The following EXOC6B variants were observed in gnomAD, a reference collection of about 807,000 sequenced individuals.
EXOC6B encodes exocyst complex component 6B.
A neutral mutation model predicts 113.5 loss-of-function variants in EXOC6B; 54 were observed. That is an observed-to-expected ratio of 0.48 (90% CI 0.38 to 0.60). The LOEUF (loss-of-function observed/expected upper bound fraction) is 0.60. Among genes scored for constraint, EXOC6B ranks in the 20% least tolerant of loss-of-function variants. The probability of loss-of-function intolerance (pLI) is 0.00; values close to 1 mark genes in which losing one functional copy is unlikely to be tolerated. For synonymous variants in EXOC6B, 357 were observed against 339.0 expected (o/e 1.05, Z -0.58); for missense variants, 797 against 977.5 (o/e 0.82, Z 2.46).
At chr2:72,559,407 G>C (rs1703756669) in intron 8 of EXOC6B, 46 bp downstream of exon 8, 2 of 1,361,534 alleles carry the variant, frequency 1.5e-6, no homozygotes, top group African/African-American at 3.0e-5. Flanking sequence ...GCAAAGTTTT[G>C]AACTCAATGG....
At chr2:72,230,047 G>T (rs1034035521) in intron 20 of EXOC6B, among the ~76,000 whole-genome samples, 1 of 151,944 alleles carries the variant, frequency 6.6e-6, no homozygotes, top group Non-Finnish European at 1.5e-5. Flanking sequence ...GGGAGGAATG[G>T]AACAGCACTA....
intron 20 of EXOC6B, among the ~76,000 whole-genome samples, chr2:72,323,099 C>CAAAGGACAAATCTGG (rs1687931125): frequency 1.3e-5 from 2 of 151,978 alleles, no homozygotes; most frequent in Non-Finnish European, 2.9e-5. Flanking sequence ...CCTGACAAAG[C>CAAAGGACAAATCTGG]ACTAATATCC....
At chr2:72,291,870 AG>A (rs1685815556) in intron 20 of EXOC6B, among the ~76,000 whole-genome samples, 1 of 152,220 alleles carries the variant, frequency 6.6e-6, no homozygotes, top group African/African-American at 2.4e-5. Flanking sequence ...TTAAAGAAAA[AG>A]TTAAAACGCT....
intron 1 of EXOC6B, among the ~76,000 whole-genome samples, chr2:72,749,426 C>T (rs1277777142): frequency 1.3e-5 from 2 of 151,998 alleles, no homozygotes; most frequent in African/African-American, 4.8e-5. Context: ...TAAAACTCTT[C>T]CAGATTCTTT....
intron 18 of EXOC6B, among the ~76,000 whole-genome samples, chr2:72,422,130 CG>C (rs1694916583): frequency 6.6e-6 from 1 of 152,324 alleles, no homozygotes; most frequent in Admixed American, 6.5e-5. Context: ...GGGCCCCGTG[CG>C]GCCCGAGCCT....
At chr2:72,458,615 C>G (rs1211340453) in intron 18 of EXOC6B, among the ~76,000 whole-genome samples, 1 of 152,072 alleles carries the variant, frequency 6.6e-6, no homozygotes, top group Non-Finnish European at 1.5e-5. Flanking sequence ...AGAATCAACT[C>G]TATCCACACT....
intron 6 of EXOC6B, among the ~76,000 whole-genome samples, chr2:72,636,100 G>A (rs529029404): frequency 1.3e-5 from 2 of 152,194 alleles, no homozygotes; most frequent in South Asian, 4.2e-4. Context: ...TCATGCATCT[G>A]CAGTTCCAGC....
chr2:72,568,226 T>C (rs1704303728), intron 7 of EXOC6B, among the ~76,000 whole-genome samples: 1 of 151,878 alleles, frequency 6.6e-6, no homozygotes, highest in Non-Finnish European at 1.5e-5. Context: ...TAAGGGAGAC[T>C]AAACAGACAT....
intron 18 of EXOC6B, among the ~76,000 whole-genome samples, chr2:72,453,565 A>G (rs536628470): frequency 2.0e-5 from 3 of 152,278 alleles, no homozygotes; most frequent in East Asian, 1.9e-4. Flanking sequence ...TTCATTTAAC[A>G]TAAGTGCTTT....
chr2:72,471,609 C>G (rs1490971710), intron 17 of EXOC6B, among the ~76,000 whole-genome samples: 1 of 151,876 alleles, frequency 6.6e-6, no homozygotes, highest in Non-Finnish European at 1.5e-5. Context: ...CTAGATGGAG[C>G]CTTTTAGTTT....
chr2:72,269,716 A>G (rs1464718519), intron 20 of EXOC6B, among the ~76,000 whole-genome samples: 1 of 152,144 alleles, frequency 6.6e-6, no homozygotes, highest in Non-Finnish European at 1.5e-5. Flanking sequence ...TGTCACTTTG[A>G]CTAAGCTGCT....
intron 20 of EXOC6B, among the ~76,000 whole-genome samples, chr2:72,274,181 G>T (rs1684675773): frequency 6.6e-6 from 1 of 152,114 alleles, no homozygotes; most frequent in African/African-American, 2.4e-5. Context: ...ATTGAAATCA[G>T]AGAAATAAAA....
chr2:72,488,183 ATTC>A (rs1699536386), intron 16 of EXOC6B, among the ~76,000 whole-genome samples: 1 of 151,874 alleles, frequency 6.6e-6, no homozygotes, highest in African/African-American at 2.4e-5. Context: ...TCACTCTCTC[ATTC>A]TTTATATAAT....
intron 18 of EXOC6B, among the ~76,000 whole-genome samples, chr2:72,458,879 G>T (rs1697428457): frequency 6.6e-6 from 1 of 151,692 alleles, no homozygotes; most frequent in South Asian, 2.1e-4. Context: ...GGACAGGTGG[G>T]CTGGCAAAAG....
intron 6 of EXOC6B, among the ~76,000 whole-genome samples, chr2:72,707,774 C>T (rs1678984989): frequency 6.6e-6 from 1 of 152,004 alleles, no homozygotes; most frequent in South Asian, 2.1e-4. Flanking sequence ...GCCTTGAATA[C>T]CATAATGCCT....
At position 72,512,578 on chromosome 2, in the gene EXOC6B, T is replaced by C. The variant is rs182529260; in HGVS notation, c.1167+554A>G. On this transcript the variant is annotated intron_variant, in intron 11 of 21. Coordinates refer to ENST00000272427, the MANE Select transcript of EXOC6B (RefSeq NM_015189.3). ...GAACATTGGGCAGCTTAATATGTTA[T>C]GAACTTTTTTTTTCAAAAGGTAACA... Among the ~76,000 whole-genome samples, 331 of 152,008 alleles carry C rather than the reference T, an allele frequency of 2.2e-3. 1 individual carries two copies. Among genetic ancestry groups the C allele is most frequent in the East Asian group, 0.017 (88 of 5,184 alleles).
intron 6 of EXOC6B, among the ~76,000 whole-genome samples, chr2:72,636,386 A>AAGGG (rs1558867009): frequency 2.1e-5 from 3 of 143,986 alleles, no homozygotes; most frequent in African/African-American, 7.9e-5. Flanking sequence ...GGAAGCAAGG[A>AAGGG]AGGGAGGGAA....
At chr2:72,419,693 T>C (rs946267585) in intron 18 of EXOC6B, among the ~76,000 whole-genome samples, 1 of 152,252 alleles carries the variant, frequency 6.6e-6, no homozygotes, top group East Asian at 1.9e-4. Flanking sequence ...GGATTCCTTG[T>C]ATGTGACAAG....
intron 20 of EXOC6B, among the ~76,000 whole-genome samples, chr2:72,259,495 T>C (rs557130365): frequency 6.6e-6 from 1 of 152,360 alleles, no homozygotes; most frequent in South Asian, 2.1e-4. Context: ...ATGAACATTC[T>C]TTTACAAGTC....
Sources: gnomAD v4.1 joint callset for allele counts (sites outside exome capture counted in the v4.1 genomes callset) on GRCh38, gnomAD v4.1.1 for gene constraint, MANE v1.5 for transcripts, NCBI Gene and HGNC (gene_info 2026-07-23, HGNC 2026-07-21) for gene names.